The following SNTG1 variants were observed in gnomAD, a reference collection of about 807,000 sequenced individuals.
SNTG1 encodes the protein syntrophin gamma 1, also known as gamma-1-syntrophin.
SNTG1 carries 39 observed loss-of-function variants against 74.7 expected under a neutral mutation model. The observed-to-expected ratio is 0.52, with a 90% confidence interval of 0.40 to 0.68. SNTG1 has a LOEUF of 0.68. Among genes scored for constraint, SNTG1 ranks in the 30% least tolerant of loss-of-function variants. SNTG1 has a pLI of 0.00. For synonymous variants in SNTG1, 254 were observed against 217.1 expected, an observed-to-expected ratio of 1.17 and a Z score of -1.49; for missense variants, 685 against 609.5, an observed-to-expected ratio of 1.12 and a Z score of -1.30.
chr8:50,470,755 A>C (rs1387515551), intron 8 of SNTG1, among the ~76,000 whole-genome samples: 1 of 152,148 alleles, frequency 6.6e-6, no homozygotes, highest in African/African-American at 2.4e-5. Context: ...GGTAGTGCGG[A>C]CCCAAAGAGT....
At chr8:50,176,102 T>G (rs2082989798) in intron 2 of SNTG1, among the ~76,000 whole-genome samples, 1 of 152,162 alleles carries the variant, frequency 6.6e-6, no homozygotes, top group Non-Finnish European at 1.5e-5. Flanking sequence ...AATAAAACAC[T>G]TAACATTTTA....
intron 8 of SNTG1, among the ~76,000 whole-genome samples, chr8:50,465,248 T>C (rs2093599800): frequency 6.6e-6 from 1 of 152,158 alleles, no homozygotes; most frequent in Non-Finnish European, 1.5e-5. Flanking sequence ...ATTGTTCAAA[T>C]CTAGTATATA....
At chr8:50,308,431 T>C (rs186052160) in intron 2 of SNTG1, among the ~76,000 whole-genome samples, 16 of 152,136 alleles carry the variant, frequency 1.1e-4, no homozygotes, top group Non-Finnish European at 1.9e-4. Context: ...AGCAAGCACA[T>C]TGGGGTGTGT....
Position 50,394,865 on chromosome 8 carries a change from TA to T in SNTG1, c.27+603del, listed in dbSNP as rs1269364563. 9.5e-4 allele frequency among the ~76,000 whole-genome samples: 136 copies of T among 143,580 alleles called. 1 individual carries two copies. Among genetic ancestry groups the T allele is most frequent in the African/African-American group, 3.2e-3 (126 of 38,846 alleles). 94.2% of individuals were successfully genotyped at this position (143,580 alleles called of 152,430 possible). ...AACTAACTTTTTTTTTTTTTTTTAC[TA>T]AATATGTAACATTCAAAGTATTGTG... On this transcript the variant is annotated intron_variant, in intron 3 of 18. Coordinates refer to ENST00000642720, the MANE Select transcript of SNTG1 (RefSeq NM_018967.5).
At chr8:50,376,184 A>C (rs542270532) in intron 2 of SNTG1, among the ~76,000 whole-genome samples, 56 of 152,184 alleles carry the variant, frequency 3.7e-4, no homozygotes, top group Non-Finnish European at 6.8e-4. Flanking sequence ...TCAGCTCAAC[A>C]AACCTTCCTA....
intron 15 of SNTG1, among the ~76,000 whole-genome samples, chr8:50,680,425 G>T (rs2095326411): frequency 6.6e-6 from 1 of 152,092 alleles, no homozygotes; most frequent in Non-Finnish European, 1.5e-5. Flanking sequence ...GCTGTAGTTG[G>T]TCGATACCAA....
At position 50,530,253 on chromosome 8, in the gene SNTG1, C is replaced by T. The variant is rs2094255899; in HGVS notation, c.543C>T (p.Asn181=). The T allele has an allele frequency of 3.1e-6, 5 of 1,613,652 alleles. No homozygotes were observed. The African/African-American group carries it at 5.3e-5, about 17-fold the overall frequency. The change falls in exon 10 of 19, where the codon AAC becomes AAT. Residue 181 remains asparagine (N), a synonymous_variant. Coordinates refer to ENST00000642720, the MANE Select transcript of SNTG1 (RefSeq NM_018967.5). ...DSGLHLNYHP[N]NTDTLSCSSW... ...GCTTACATCTCAACTACCATCCCAA[C>T]AATACAGTAAGATGACCCAGGCATA...
intron 2 of SNTG1, among the ~76,000 whole-genome samples, chr8:50,379,691 A>G (rs1437403461): frequency 2.6e-5 from 4 of 152,366 alleles, no homozygotes; most frequent in Non-Finnish European, 5.9e-5. Context: ...AAAGTGCATA[A>G]AACATCTCAG....
chr8:49,959,902 T>C (rs902233855), intron 1 of SNTG1, among the ~76,000 whole-genome samples: 3 of 152,208 alleles, frequency 2.0e-5, no homozygotes, highest in African/African-American at 7.2e-5. Context: ...TAAGGTAAAA[T>C]GGATGAGGAT....
chr8:50,595,284 A>G (rs2094719747), intron 13 of SNTG1, among the ~76,000 whole-genome samples: 1 of 152,030 alleles, frequency 6.6e-6, no homozygotes, highest in African/African-American at 2.4e-5. Flanking sequence ...CTGGCACTTT[A>G]TGATCTAAAG....
intron 2 of SNTG1, among the ~76,000 whole-genome samples, chr8:50,334,496 T>C (rs1297494283): frequency 6.9e-6 from 1 of 145,684 alleles, no homozygotes; most frequent in African/African-American, 2.6e-5. Flanking sequence ...TCCTCATTTA[T>C]ATCTCTGCTA....
At chr8:50,588,931 ATATTAT>A (rs990705040) in intron 12 of SNTG1, among the ~76,000 whole-genome samples, 1 of 151,992 alleles carries the variant, frequency 6.6e-6, no homozygotes, top group South Asian at 2.1e-4. Flanking sequence ...TAGTTTTTAC[ATATTAT>A]TATTATTATT....
At chr8:50,264,910 A>G (rs2087386134) in intron 2 of SNTG1, among the ~76,000 whole-genome samples, 1 of 152,064 alleles carries the variant, frequency 6.6e-6, no homozygotes, top group South Asian at 2.1e-4. Context: ...CCAGAAAGAA[A>G]AATATACCAA....
chr8:50,505,804 T>C (rs1181259257), intron 9 of SNTG1, among the ~76,000 whole-genome samples: 1 of 152,138 alleles, frequency 6.6e-6, no homozygotes, highest in Non-Finnish European at 1.5e-5. Context: ...ATTTCAAAGG[T>C]TGCTGTTTCA....
At chr8:50,663,431 T>A (rs1478284494) in intron 15 of SNTG1, among the ~76,000 whole-genome samples, 1 of 152,022 alleles carries the variant, frequency 6.6e-6, no homozygotes, top group Non-Finnish European at 1.5e-5. Context: ...TCCTGGGACA[T>A]CTTCTGGTCA....
At chr8:50,250,194 G>A (rs2086585622) in intron 2 of SNTG1, among the ~76,000 whole-genome samples, 1 of 151,382 alleles carries the variant, frequency 6.6e-6, no homozygotes, top group South Asian at 2.1e-4. Flanking sequence ...AGAGAGTTTT[G>A]ACAACACTAG....
At chr8:50,680,228 G>A (rs1041049828) in intron 15 of SNTG1, among the ~76,000 whole-genome samples, 3 of 152,148 alleles carry the variant, frequency 2.0e-5, no homozygotes, top group Admixed American at 2.0e-4. Flanking sequence ...TAGTGTATGT[G>A]ACAGGCAATT....
At position 50,136,218 on chromosome 8, in the gene SNTG1, G is replaced by A. The variant is rs149270198; in HGVS notation, c.-102-36343G>A. The stretch of plus-strand genomic sequence containing the variant: ...GTAAATAGTACTGCGATGAACTTAT[G>A]TGTGCATGTGTCTCTATGGTAGAGT... On this transcript the variant is annotated intron_variant, in intron 1 of 18. Transcript: ENST00000642720. Among the ~76,000 whole-genome samples, 269 of 152,216 alleles carry A rather than the reference G, an allele frequency of 1.8e-3. 8 individuals are homozygous for A. Among genetic ancestry groups the A allele is most frequent in the Non-Finnish European group, 1.1e-3 (74 of 68,016 alleles).
chr8:50,068,128 A>G (rs1337570611), intron 1 of SNTG1, among the ~76,000 whole-genome samples: 1 of 152,154 alleles, frequency 6.6e-6, no homozygotes, highest in African/African-American at 2.4e-5. Context: ...ACAGAACGCA[A>G]TCAGTTTTGG....
Sources: allele counts gnomAD v4.1 joint callset (sites outside exome capture counted in the v4.1 genomes callset), GRCh38; gene constraint gnomAD v4.1.1; transcripts MANE v1.5; gene names NCBI Gene and HGNC (gene_info 2026-07-23, HGNC 2026-07-21).